RASSF8: variants seen among roughly 807,000 people sequenced by gnomAD.
RASSF8 encodes Ras association domain family member 8.
A neutral mutation model predicts 48.5 loss-of-function variants in RASSF8; 22 were observed. The observed-to-expected ratio is 0.45, with a 90% CI of 0.32 to 0.65. The LOEUF is 0.65. Among genes scored for constraint, RASSF8 ranks in the 30% least tolerant of loss-of-function variants. The pLI, the probability that RASSF8 is intolerant of heterozygous loss-of-function variation, is 0.03. For missense variants in RASSF8, 418 were observed against 489.2 expected, an observed-to-expected ratio of 0.85 and a Z score of 1.37; for synonymous variants, 127 against 171.5, an observed-to-expected ratio of 0.74 and a Z score of 2.03.
chr12:26,055,522 A>G, intron 3 of RASSF8, 76 bp downstream of exon 3: 4 of 1,236,156 alleles, frequency 3.2e-6, no homozygotes, highest in Non-Finnish European at 4.8e-6. Flanking sequence ...TTAAATATAG[A>G]TTTCTAGGGG....
Position 25,958,917 on chromosome 12 carries a change from G to C in RASSF8, c.-434G>C, listed in dbSNP as rs1252623012. On this transcript the variant is annotated 5_prime_UTR_variant, in exon 1 of 6. Transcript: ENST00000689635. Reference sequence around the variant, plus strand: ...CGCGCACCGCGGCACCCCCGCCAGTGGCGTCCACACTCACCTAGCGCGGGC... The same window carrying C: ...CGCGCACCGCGGCACCCCCGCCAGTCGCGTCCACACTCACCTAGCGCGGGC... The C allele has an allele frequency of 6.8e-6, 1 of 147,166 alleles. No homozygotes were observed. Among genetic ancestry groups the C allele is most frequent in the African/African-American group, 2.4e-5 (1 of 41,000 alleles). The allele number at this position is 147,166 out of a possible 1,614,324, so 9.1% of individuals were successfully genotyped here.
At chr12:25,969,624 C>T (rs1195216888) in intron 1 of RASSF8, among the ~76,000 whole-genome samples, 2 of 152,114 alleles carry the variant, frequency 1.3e-5, no homozygotes, top group Non-Finnish European at 1.5e-5. Flanking sequence ...AGAAGGGTCA[C>T]ATCCTGGGTA....
Position 26,068,679 on chromosome 12 carries a change from T to C in RASSF8, c.1139-18T>C, listed in dbSNP as rs749272202. The C allele has an allele frequency of 5.9e-6, 9 of 1,530,090 alleles. No homozygotes were observed. The highest frequency in any genetic ancestry group is 7.0e-6 in the Non-Finnish European group (8 of 1,140,824). 94.8% of individuals were successfully genotyped at this position (1,530,090 alleles called of 1,614,324 possible). A position where few individuals can be genotyped will look rare whatever the true frequency, so the allele number is the denominator to read the frequency against. On this transcript the variant is annotated intron_variant, in intron 5 of 5. Transcript: ENST00000689635. ...AGTTGACGAGCTCATCAGGTGGCTC[T>C]CTTTGTTTCCTGTTTAGAGGCACCA...
At chr12:26,073,792 TTATGTA>T (rs1944043252), downstream of RASSF8, among the ~76,000 whole-genome samples, 2 of 139,696 alleles carry the variant, frequency 1.4e-5, no homozygotes, top group Admixed American at 1.4e-4. Context: ...TATATACACA[TTATGTA>T]TACACACACA....
Position 26,064,585 on chromosome 12 carries a change from A to G in RASSF8, c.191A>G (p.Asn64Ser). 1.2e-6 allele frequency: 2 copies of G among 1,614,050 alleles called. No homozygotes were observed. The highest frequency in any genetic ancestry group is 1.7e-6 in the Non-Finnish European group (2 of 1,179,986). ...APHENPIISL[N>S]KWGQYASDVQ... ...CATGAAAATCCTATCATATCCTTAA[A>G]CAAATGGGGGCAGTATGCTAGTGAT... is the stretch of plus-strand genomic sequence containing the variant. The change falls in exon 4 of 6, where the codon AAC becomes AGC. Residue 64 changes from asparagine (N) to serine (S), a missense_variant. Transcript: ENST00000689635.
In RASSF8 at chr12:26,070,896, G is replaced by T; in HGVS notation, c.*2078G>T. The T allele has an allele frequency of 1.0e-6, 1 of 984,926 alleles. No homozygotes were observed. The highest frequency in any genetic ancestry group is 4.7e-5 in the South Asian group (1 of 21,276). The allele number at this position is 984,926 out of a possible 1,614,324, so 61.0% of individuals were successfully genotyped here. ...GTCAATATCCAACTCATTATAAATT[G>T]TTATCAGAATTAACCTAATAACTTT... On this transcript the variant is annotated 3_prime_UTR_variant, in exon 6 of 6. Transcript: ENST00000689635.
At chr12:25,975,781 A>T (rs1211750228) in intron 1 of RASSF8, among the ~76,000 whole-genome samples, 1 of 152,186 alleles carries the variant, frequency 6.6e-6, no homozygotes, top group East Asian at 1.9e-4. Flanking sequence ...GGACCAAAGG[A>T]CCAGAAGAAA....
At chr12:26,067,866 G>C (rs1048583108) in intron 5 of RASSF8, among the ~76,000 whole-genome samples, 153 bp downstream of exon 5, 5 of 152,120 alleles carry the variant, frequency 3.3e-5, no homozygotes, top group African/African-American at 1.2e-4. Flanking sequence ...CCTGGGCTCA[G>C]GTGACCCTCC....
chr12:26,058,094 T>C (rs2137258885), intron 3 of RASSF8, among the ~76,000 whole-genome samples: 1 of 152,358 alleles, frequency 6.6e-6, no homozygotes, highest in African/African-American at 2.4e-5. Context: ...AAAACACATT[T>C]TAACTAAATC....
intron 2 of RASSF8, among the ~76,000 whole-genome samples, chr12:26,025,278 C>T (rs914384783): frequency 7.9e-5 from 12 of 152,094 alleles, no homozygotes; most frequent in Non-Finnish European, 1.2e-4. Context: ...GCATTCAGGG[C>T]CAGGCGTGGT....
At chr12:26,052,739 T>A (rs1022419265) in intron 2 of RASSF8, 1 of 152,176 alleles carries the variant, frequency 6.6e-6, no homozygotes, top group African/African-American at 2.4e-5. Context: ...AGATATTGGA[T>A]CATGTCATCT....
chr12:26,075,039 C>T (rs1944060073), downstream of RASSF8, among the ~76,000 whole-genome samples: 1 of 152,200 alleles, frequency 6.6e-6, no homozygotes, highest in African/African-American at 2.4e-5. Flanking sequence ...GCCAGAAAGA[C>T]TACTTAAGAG....
intron 2 of RASSF8, among the ~76,000 whole-genome samples, chr12:26,009,976 C>G (rs768074478): frequency 3.3e-5 from 5 of 152,150 alleles, no homozygotes; most frequent in African/African-American, 4.8e-5. Flanking sequence ...GCCATTTATT[C>G]TTTGATTGAA....
chr12:26,065,061 G>A lies in RASSF8; in HGVS notation c.667G>A (p.Glu223Lys). Residue 223 changes from glutamate (E) to lysine (K), a missense_variant, in exon 4 of 6, where the codon GAA becomes AAA. Glu to Lys is a moderately conservative substitution (Grantham distance 56, BLOSUM62 1). Transcript: ENST00000689635. ...AAGAAACGATGTAGAAATTGAGGAG[G>A]AAGAATTCTGGGAAAATGAATTACA... ...IKRNDVEIEE[E>K]EFWENELQIE... 1 of 1,613,816 alleles carries A rather than the reference G, an allele frequency of 6.2e-7. No homozygotes were observed. The highest frequency in any genetic ancestry group is 8.5e-7 in the Non-Finnish European group (1 of 1,179,822).
In RASSF8 at chr12:26,051,974, C is replaced by T. The variant is rs138716734; in HGVS notation, c.-108-3262C>T. Among the ~76,000 whole-genome samples the T allele has an allele frequency of 4.7e-3, 715 of 152,292 alleles. 6 individuals are homozygous for T. The highest frequency in any genetic ancestry group is 0.016 in the African/African-American group (680 of 41,566). On this transcript the variant is annotated intron_variant, in intron 2 of 5. Coordinates refer to ENST00000689635, the MANE Select transcript of RASSF8 (RefSeq NM_001394098.1). ...TGGGGGCCATTTTAAATGGTGAAAT[C>T]CCACCAACAAAACTCACAAAAAACA...
chr12:25,993,138 C>A (rs541892664), intron 1 of RASSF8, among the ~76,000 whole-genome samples: 126 of 152,256 alleles, frequency 8.3e-4, no homozygotes, highest in Non-Finnish European at 1.6e-3. Context: ...CCCAGGGTAC[C>A]CACAGAACTG....
At chr12:25,986,015 C>T (rs1377686113) in intron 1 of RASSF8, among the ~76,000 whole-genome samples, 1 of 152,124 alleles carries the variant, frequency 6.6e-6, no homozygotes, top group Non-Finnish European at 1.5e-5. Context: ...GTGGCTTGGC[C>T]CACAGGGCTA....
chr12:26,067,684 T>A lies in RASSF8; in HGVS notation c.1109T>A (p.Ile370Lys), dbSNP rs199895299. The A allele has an allele frequency of 1.3e-4, 214 of 1,613,998 alleles. No individual in the cohort carries two copies. The highest frequency in any genetic ancestry group is 9.9e-5 in the Non-Finnish European group (117 of 1,180,010). Residue 370 changes from isoleucine (I) to lysine (K), a missense_variant, in exon 5 of 6, where the codon ATA becomes AAA. Physicochemically the swap from Ile to Lys is moderately radical, Grantham distance 102. Transcript: ENST00000689635. The part of the protein sequence containing the change: ...VTVLPAEPIE[I>K]EASHADIERE... ...GTTTTGCCAGCGGAGCCCATTGAAA[T>A]AGAGGCCTCACATGCAGACATTGAA...
Position 25,966,947 on chromosome 12 carries a change from T to C in RASSF8, c.-203+7799T>C, listed in dbSNP as rs562581551. Among the ~76,000 whole-genome samples, 3 of 152,372 alleles carry C rather than the reference T, an allele frequency of 2.0e-5. No homozygotes were observed. In the South Asian group the frequency reaches 6.2e-4, roughly 32 times the overall value. On this transcript the variant is annotated intron_variant, in intron 1 of 5. Transcript: ENST00000689635. ...TGTGATGCATTTTGTATTTCTTACA[T>C]GGTGTGAGTTATGGATGGAAGTTAA... is the stretch of plus-strand genomic sequence containing the variant.
Sources: allele counts gnomAD v4.1 joint callset (sites outside exome capture counted in the v4.1 genomes callset), GRCh38; gene constraint gnomAD v4.1.1; transcripts MANE v1.5; gene names NCBI Gene and HGNC (gene_info 2026-07-23, HGNC 2026-07-21).